The following SHTN1 variants were observed in gnomAD, a reference collection of about 807,000 sequenced individuals.
SHTN1 encodes the protein shootin-1.
Under a neutral mutation model 83.1 loss-of-function variants are expected in SHTN1, and 42 were observed. The observed-to-expected ratio is 0.51, with a 90% confidence interval of 0.39 to 0.65. The LOEUF (loss-of-function observed/expected upper bound fraction) is 0.65. SHTN1 is among the 30% of genes least tolerant of loss of function. The pLI is 0.00. For missense variants in SHTN1, 622 were observed against 737.8 expected (o/e 0.84, Z 1.82); for synonymous variants, 224 against 247.7 (o/e 0.90, Z 0.90).
chr10:116,932,858 A>G lies in SHTN1; in HGVS notation c.859-2856T>C, dbSNP rs1024909899. Among the ~76,000 whole-genome samples the G allele has an allele frequency of 6.6e-5, 10 of 152,336 alleles. 1 individual carries two copies. In the Middle Eastern group the frequency reaches 0.01, roughly 155 times the overall value. On this transcript the variant is annotated intron_variant, in intron 9 of 16. Coordinates refer to ENST00000355371, the MANE Select transcript of SHTN1 (RefSeq NM_001127211.3). ...TAGTACCCAACAAGGTATATATACA[A>G]CAATTTAGTCCTATACCTCAGCTCA...
chr10:117,041,331 T>G (rs1355488850), intron 2 of SHTN1, among the ~76,000 whole-genome samples: 1 of 152,224 alleles, frequency 6.6e-6, no homozygotes, highest in Non-Finnish European at 1.5e-5. Context: ...GGGTTTTTAA[T>G]GTGACTCCTC....
At chr10:116,940,879 C>T (rs1248857595) in intron 8 of SHTN1, among the ~76,000 whole-genome samples, 1 of 152,086 alleles carries the variant, frequency 6.6e-6, no homozygotes, top group African/African-American at 2.4e-5. Flanking sequence ...CTTTAAGATA[C>T]ATTAATATTA....
chr10:117,122,158 T>G (rs1046784546), intron 1 of SHTN1, among the ~76,000 whole-genome samples: 30 of 152,218 alleles, frequency 2.0e-4, no homozygotes, highest in African/African-American at 7.0e-4. Context: ...CTTTATTTTT[T>G]ATTTTCATAT....
upstream of SHTN1, among the ~76,000 whole-genome samples, chr10:117,010,451 A>G (rs1022202917): frequency 9.9e-5 from 15 of 152,186 alleles, no homozygotes; most frequent in African/African-American, 3.6e-4. Context: ...ACACCCTTCA[A>G]TGAAAATAAG....
At chr10:117,033,166 T>A (rs529716059) in intron 2 of SHTN1, among the ~76,000 whole-genome samples, 1 of 151,252 alleles carries the variant, frequency 6.6e-6, no homozygotes, top group South Asian at 2.2e-4. Flanking sequence ...CCAAAATTAG[T>A]AGAAGAAAAG....
At chr10:116,904,260 T>G (rs1161699218) in intron 15 of SHTN1, among the ~76,000 whole-genome samples, 1 of 152,196 alleles carries the variant, frequency 6.6e-6, no homozygotes, top group African/African-American at 2.4e-5. Context: ...CTCTGCAGCT[T>G]TACTTTCTTG....
intron 1 of SHTN1, among the ~76,000 whole-genome samples, chr10:117,117,213 C>T (rs886517356): frequency 2.0e-5 from 3 of 152,124 alleles, no homozygotes; most frequent in African/African-American, 7.2e-5. Context: ...AATAAAGTCA[C>T]AGAATACAAA....
At chr10:116,998,365 T>C (rs545714774) in intron 1 of SHTN1, among the ~76,000 whole-genome samples, 14 of 152,166 alleles carry the variant, frequency 9.2e-5, no homozygotes, top group Non-Finnish European at 1.8e-4. Flanking sequence ...AGGGTTTCAG[T>C]TACCCATGGT....
chr10:117,106,123 A>AT (rs1284874991), intron 1 of SHTN1, among the ~76,000 whole-genome samples: 1 of 151,972 alleles, frequency 6.6e-6, no homozygotes, highest in Non-Finnish European at 1.5e-5. Flanking sequence ...AAGAAAAAAG[A>AT]TAAAAAAAAG....
chr10:116,899,158 T>G (rs1277871843), intron 16 of SHTN1, among the ~76,000 whole-genome samples: 1 of 152,122 alleles, frequency 6.6e-6, no homozygotes, highest in Non-Finnish European at 1.5e-5. Flanking sequence ...GAAAAAATTC[T>G]TACCCTCATG....
chr10:116,908,542 C>A (rs1848064260), intron 14 of SHTN1, among the ~76,000 whole-genome samples: 1 of 152,160 alleles, frequency 6.6e-6, no homozygotes, highest in African/African-American at 2.4e-5. Flanking sequence ...CCATCTCTAT[C>A]ATTTGTAAAC....
chr10:116,881,740 G>A lies in SHTN1; in HGVS notation c.*4604C>T, dbSNP rs539602601. ...ACCGGGAGGTCTGAAGTACGGCGCC[G>A]TGTCTCCACATGGAGTTTCCTCTTC... is the stretch of plus-strand genomic sequence containing the variant. On this transcript the variant is annotated 3_prime_UTR_variant, in exon 17 of 17. Coordinates refer to ENST00000355371, the MANE Select transcript of SHTN1 (RefSeq NM_001127211.3). 664 of 1,197,570 alleles carry A rather than the reference G, an allele frequency of 5.5e-4. 14 individuals are homozygous for A. The South Asian group carries it at 0.017, about 30-fold the overall frequency. The allele number at this position is 1,197,570 out of a possible 1,614,324, so 74.2% of individuals were successfully genotyped here.
intron 2 of SHTN1, among the ~76,000 whole-genome samples, chr10:117,030,853 C>T (rs1453212303): frequency 1.3e-5 from 2 of 151,904 alleles, no homozygotes; most frequent in African/African-American, 4.8e-5. Flanking sequence ...AACACATGTA[C>T]AGAATCTAGA....
intron 14 of SHTN1, among the ~76,000 whole-genome samples, chr10:116,907,749 CTT>C (rs1848029594): frequency 6.6e-6 from 1 of 152,178 alleles, no homozygotes; most frequent in Non-Finnish European, 1.5e-5. Flanking sequence ...CATACATAAT[CTT>C]TTGATCAGAG....
At chr10:117,093,398 A>AT (rs1853461734) in intron 1 of SHTN1, among the ~76,000 whole-genome samples, 1 of 152,156 alleles carries the variant, frequency 6.6e-6, no homozygotes, top group South Asian at 2.1e-4. Flanking sequence ...TGAAAAAAAA[A>AT]GCCACGTATC....
chr10:117,001,852 A>G (rs1034454558), intron 1 of SHTN1, among the ~76,000 whole-genome samples: 3 of 152,226 alleles, frequency 2.0e-5, no homozygotes, highest in Non-Finnish European at 4.4e-5. Flanking sequence ...CATGTCTTCT[A>G]TAAATATGTA....
At position 117,004,996 on chromosome 10, in the gene SHTN1, A is replaced by C. The variant is rs566622247; in HGVS notation, c.58+26T>G. ...CCCCGCCCACGGGCCGCGGCTGCCC[A>C]CACCTGGCGCCCGCGTGCTGCCTAC... On this transcript the variant is annotated intron_variant, in intron 1 of 16. Coordinates refer to ENST00000355371, the MANE Select transcript of SHTN1 (RefSeq NM_001127211.3). 1.1e-5 allele frequency: 17 copies of C among 1,577,940 alleles called. No individual in the cohort carries two copies. In the African/African-American group the frequency reaches 2.0e-4, roughly 19 times the overall value.
chr10:117,085,173 T>C lies in SHTN1; in HGVS notation c.-188-36663A>G, dbSNP rs550553290. ...TTGATTTTGGCTTAAATTTGTATTA[T>C]TTTTCTTCTACTTTCTTTGAATTGT... On this transcript the variant is annotated intron_variant, in intron 1 of 17. Transcript: ENST00000392901. Among the ~76,000 whole-genome samples the C allele has an allele frequency of 5.3e-5, 8 of 152,316 alleles. No individual in the cohort carries two copies. In the East Asian group the frequency reaches 1.5e-3, roughly 29 times the overall value.
rs73398152 is a variant in SHTN1 at position 117,051,133 on chromosome 10, A to T, written c.-188-2623T>A. Among the ~76,000 whole-genome samples, 1,729 of 152,304 alleles carry T rather than the reference A, an allele frequency of 0.011. 42 individuals are homozygous for T. In the East Asian group the frequency reaches 0.12, roughly 10 times the overall value. ...TAAGGGAATACAATAAACTACTATA[A>T]ACCAAAATATTAGACAGCCAGGATG... On this transcript the variant is annotated intron_variant, in intron 1 of 17. Coordinates refer to the SHTN1 transcript ENST00000392901.
Sources: gnomAD v4.1 joint callset for allele counts (sites outside exome capture counted in the v4.1 genomes callset) on GRCh38, gnomAD v4.1.1 for gene constraint, MANE v1.5 for transcripts, NCBI Gene and HGNC (gene_info 2026-07-23, HGNC 2026-07-21) for gene names.